ADGRB1: variants seen among roughly 807,000 people sequenced by gnomAD.
ADGRB1 encodes adhesion G protein-coupled receptor B1, also known as brain-specific angiogenesis inhibitor 1.
Under a neutral mutation model 175.7 loss-of-function variants are expected in ADGRB1, and 36 were observed. That is an observed-to-expected ratio of 0.20 (90% CI 0.16 to 0.27). The LOEUF is 0.27. Ranked by LOEUF, ADGRB1 falls within the 10% of genes least tolerant of loss-of-function variation. The pLI is 1.00. For missense variants in ADGRB1, 1,731 were observed against 2,255.3 expected, an observed-to-expected ratio of 0.77 and a Z score of 4.71; for synonymous variants, 1,054 against 979.4, an observed-to-expected ratio of 1.08 and a Z score of -1.42.
chr8:142,484,358 C>G (rs1476116321), intron 12 of ADGRB1, among the ~76,000 whole-genome samples: 1 of 152,218 alleles, frequency 6.6e-6, no homozygotes, highest in African/African-American at 2.4e-5. Flanking sequence ...GCAGTGCTCA[C>G]TCCCCCAGGC....
chr8:142,512,551 GT>G (rs1843162905), intron 18 of ADGRB1, among the ~76,000 whole-genome samples: 1 of 152,188 alleles, frequency 6.6e-6, no homozygotes. Context: ...CCAGCCCGGT[GT>G]CAGGCCTGCA....
At chr8:142,540,920 G>A (rs1845234432) in intron 27 of ADGRB1, among the ~76,000 whole-genome samples, 1 of 152,104 alleles carries the variant, frequency 6.6e-6, no homozygotes, top group African/African-American at 2.4e-5. Flanking sequence ...GAGGGGGACG[G>A]GGAAGCCTGT....
At chr8:142,482,351 G>C (rs1320477875) in intron 11 of ADGRB1, among the ~76,000 whole-genome samples, 1 of 151,578 alleles carries the variant, frequency 6.6e-6, no homozygotes, top group African/African-American at 2.4e-5. Context: ...GTCACACACT[G>C]AGCCCTGACC....
At position 142,526,503 on chromosome 8, in the gene ADGRB1, GCCCCCACC is replaced by G. The variant is rs757949620; in HGVS notation, c.3313-35_3313-28del. The G allele has an allele frequency of 6.4e-6, 8 of 1,259,272 alleles. No homozygotes were observed. The South Asian group carries it at 1.0e-4, about 16-fold the overall frequency. 78.0% of individuals were successfully genotyped at this position (1,259,272 alleles called of 1,614,324 possible). A position where few individuals can be genotyped will look rare whatever the true frequency, so the allele number is the denominator to read the frequency against. On this transcript the variant is annotated intron_variant, in intron 23 of 30. Coordinates refer to ENST00000517894, the MANE Select transcript of ADGRB1 (RefSeq NM_001702.3). ...AGTGTCAGCCCCTGAGCCTACGGCG[GCCCCCACC>G]CCCACACCCCCACCACTCTCTGCCC...
At chr8:142,517,678 G>A (rs2132091540) in intron 18 of ADGRB1, among the ~76,000 whole-genome samples, 1 of 152,250 alleles carries the variant, frequency 6.6e-6, no homozygotes, top group East Asian at 1.9e-4. Flanking sequence ...GGGCCTGGCT[G>A]GATGGCATCT....
chr8:142,503,505 G>A (rs146575943), intron 17 of ADGRB1, among the ~76,000 whole-genome samples: 1,887 of 152,234 alleles, frequency 0.012, 26 homozygotes, highest in Middle Eastern at 0.024. Flanking sequence ...GTGGCCCCCT[G>A]CCAGCAGGGG....
chr8:142,474,830 C>T lies in ADGRB1; in HGVS notation c.785-644C>T, dbSNP rs2131771630. Among the ~76,000 whole-genome samples the T allele has an allele frequency of 6.6e-6, 1 of 152,220 alleles. No homozygotes were observed. Among genetic ancestry groups the T allele is most frequent in the African/African-American group, 2.4e-5 (1 of 41,532 alleles). On this transcript the variant is annotated intron_variant, in intron 2 of 30. Transcript: ENST00000517894. This position sits in a 1 kb window ranked among gnomAD's most constrained non-coding sequence, Gnocchi z 5.8. ...GGCGCCTGCAGGCATTTATCCCAGG[C>T]TCCCTCCTCGGGTGGCCAGCTGGCC...
In ADGRB1 at chr8:142,510,085, G is replaced by A. The variant is rs1406823048; in HGVS notation, c.2676-847G>A. On this transcript the variant is annotated intron_variant, in intron 17 of 30. Transcript: ENST00000517894. This position sits in a 1 kb window ranked among gnomAD's most constrained non-coding sequence, Gnocchi z 6.3. ...AGGAGGAGGAAGAGGAGGCGGAGGA[G>A]GAAGAGGAGGAGGTGGAGGAGGAAG... Among the ~76,000 whole-genome samples the A allele has an allele frequency of 1.3e-5, 2 of 152,272 alleles. No homozygotes were observed. Among genetic ancestry groups the A allele is most frequent in the African/African-American group, 2.4e-5 (1 of 41,570 alleles).
Position 142,484,764 on chromosome 8 carries a change from G to T in ADGRB1, c.2308G>T (p.Val770Phe). Reference protein sequence around the residue: ...RDAYQVTDNLVLSIHKLPASG... With the variant: ...RDAYQVTDNLFLSIHKLPASG... ...TGCATACCAGGTGACAGACAACCTG[G>T]GTAAGCCTGCCCGCCTGCTGCCACC... Residue 770 changes from valine to phenylalanine, a missense_variant and splice_region_variant, in exon 13 of 31, where the codon GTT becomes TTT. By Grantham distance (50) the Val-to-Phe change is conservative. Transcript: ENST00000517894. The T allele has an allele frequency of 6.3e-7, 1 of 1,597,846 alleles. No individual in the cohort carries two copies. The highest frequency in any genetic ancestry group is 8.5e-7 in the Non-Finnish European group (1 of 1,171,014).
chr8:142,502,344 G>GTGA (rs1842627497), intron 17 of ADGRB1, among the ~76,000 whole-genome samples: 11 of 77,840 alleles, frequency 1.4e-4, no homozygotes, highest in African/African-American at 2.9e-4. Context: ...GATGGTGGTG[G>GTGA]TGATGGGGAG....
At chr8:142,540,466 C>T (rs558203918) in intron 27 of ADGRB1, among the ~76,000 whole-genome samples, 3 of 151,292 alleles carry the variant, frequency 2.0e-5, no homozygotes, top group African/African-American at 4.8e-5. Context: ...CCTGGTGGAT[C>T]CACATGCAGC....
intron 17 of ADGRB1, among the ~76,000 whole-genome samples, chr8:142,491,454 C>T (rs1201735351): frequency 6.6e-6 from 1 of 152,222 alleles, no homozygotes; most frequent in African/African-American, 2.4e-5. Flanking sequence ...TCCTCCCAGA[C>T]AGCAAGGTGG....
chr8:142,468,783 C>T (rs1440994445), intron 2 of ADGRB1, among the ~76,000 whole-genome samples: 1 of 152,262 alleles, frequency 6.6e-6, no homozygotes, highest in East Asian at 1.9e-4. Flanking sequence ...TCTGGGCCCA[C>T]TCTCTGACCC....
chr8:142,529,881 T>G (rs996462953), intron 24 of ADGRB1, among the ~76,000 whole-genome samples: 3 of 151,108 alleles, frequency 2.0e-5, no homozygotes, highest in South Asian at 2.1e-4. Flanking sequence ...TGTGTATACA[T>G]GTGAACGTGC....
chr8:142,465,831 G>A (rs942869759), intron 2 of ADGRB1, among the ~76,000 whole-genome samples: 12 of 152,226 alleles, frequency 7.9e-5, no homozygotes, highest in Admixed American at 4.6e-4. Context: ...AAGAGAGAAC[G>A]GCAAGTGGCG....
intron 1 of ADGRB1, among the ~76,000 whole-genome samples, chr8:142,460,114 C>T (rs902586580): frequency 6.6e-6 from 1 of 152,288 alleles, no homozygotes; most frequent in African/African-American, 2.4e-5. Flanking sequence ...TCCCTGGTCA[C>T]CCCCGGCCTT....
chr8:142,485,721 G>GC (rs1290178774), intron 13 of ADGRB1, among the ~76,000 whole-genome samples: 2 of 152,204 alleles, frequency 1.3e-5, no homozygotes, highest in Non-Finnish European at 2.9e-5. Flanking sequence ...ACAGCCCACA[G>GC]CCCCTGGAAT....
At chr8:142,453,944 G>C (rs947962208) in intron 1 of ADGRB1, among the ~76,000 whole-genome samples, 2 of 152,206 alleles carry the variant, frequency 1.3e-5, no homozygotes, top group Admixed American at 1.3e-4. Flanking sequence ...GTGCGGGTGT[G>C]AGAAATAGAC....
intron 7 of ADGRB1, 63 bp downstream of exon 7, chr8:142,478,423 A>C: frequency 6.7e-7 from 1 of 1,481,696 alleles, no homozygotes. Context: ...TAGGAAGGGG[A>C]CAGGCCCCAC....
Sources: allele counts gnomAD v4.1 joint callset (sites outside exome capture counted in the v4.1 genomes callset), GRCh38; gene constraint gnomAD v4.1.1; non-coding constraint Gnocchi (gnomAD v3.1); transcripts MANE v1.5; gene names NCBI Gene and HGNC (gene_info 2026-07-23, HGNC 2026-07-21).